CSMD1: variants seen among roughly 807,000 people sequenced by gnomAD.
The protein encoded by CSMD1 is CUB and sushi domain-containing protein 1.
A neutral mutation model predicts 417.5 loss-of-function variants in CSMD1; 213 were observed. The observed-to-expected ratio is 0.51, with a 90% CI of 0.46 to 0.57. The LOEUF is 0.57. Among genes scored for constraint, CSMD1 ranks in the 20% least tolerant of loss-of-function variants. The pLI is 0.00. For synonymous variants in CSMD1, 2,862 were observed against 1,736.8 expected (o/e 1.65, Z -16.11); for missense variants, 6,923 against 4,529.7 (o/e 1.53, Z -15.17).
At chr8:3,180,946 T>C (rs1032337118) in intron 37 of CSMD1, among the ~76,000 whole-genome samples, 164 bp downstream of exon 37, 154 of 152,196 alleles carry the variant, frequency 1.0e-3, no homozygotes, top group Non-Finnish European at 1.8e-3. Context: ...AACTGGCTTA[T>C]GTATTTCGTA....
At position 4,232,014 on chromosome 8, in the gene CSMD1, C is replaced by T. The variant is rs899673857; in HGVS notation, c.415+187939G>A. On this transcript the variant is annotated intron_variant, in intron 3 of 69. Coordinates refer to ENST00000635120, the MANE Select transcript of CSMD1 (RefSeq NM_033225.6). ...GTAAAGCAAAGCCATCGACATAGGA[C>T]GTAAGTATGAAACAATATGTTGGCC... Among the ~76,000 whole-genome samples the T allele has an allele frequency of 2.6e-5, 4 of 152,230 alleles. No individual in the cohort carries two copies. The South Asian group carries it at 6.2e-4, about 24-fold the overall frequency.
At chr8:4,118,595 A>G (rs1802297423) in intron 3 of CSMD1, among the ~76,000 whole-genome samples, 3 of 152,140 alleles carry the variant, frequency 2.0e-5, no homozygotes, top group African/African-American at 7.2e-5. Flanking sequence ...GAAACAATAG[A>G]TGCTGGCAAG....
intron 2 of CSMD1, among the ~76,000 whole-genome samples, chr8:4,512,217 A>G (rs59168847): frequency 0.027 from 4,087 of 152,284 alleles, 203 homozygotes; most frequent in African/African-American, 0.091. Flanking sequence ...GAGAAAAGCA[A>G]TTAACAAAAT....
At chr8:3,564,527 G>GTGTGTGTGTGTGTGTT (rs2116881724) in intron 10 of CSMD1, among the ~76,000 whole-genome samples, 1 of 151,236 alleles carries the variant, frequency 6.6e-6, no homozygotes, top group African/African-American at 2.4e-5. Context: ...TTGTGTGTGT[G>GTGTGTGTGTGTGTGTT]TGTGTGTGTG....
At chr8:3,607,999 G>A (rs748521752) in intron 8 of CSMD1, among the ~76,000 whole-genome samples, 2 of 152,052 alleles carry the variant, frequency 1.3e-5, no homozygotes, top group African/African-American at 2.4e-5. Context: ...GGAAAACCCT[G>A]TCTCTACTAA....
intron 23 of CSMD1, among the ~76,000 whole-genome samples, chr8:3,328,571 A>G (rs1015435239): frequency 1.3e-5 from 2 of 152,222 alleles, no homozygotes; most frequent in African/African-American, 4.8e-5. Flanking sequence ...AGCAATGATC[A>G]GTTTCAATCC....
At chr8:3,321,543 C>T (rs893356837) in intron 23 of CSMD1, among the ~76,000 whole-genome samples, 2 of 152,162 alleles carry the variant, frequency 1.3e-5, no homozygotes, top group African/African-American at 4.8e-5. Context: ...CCCATTACTT[C>T]GTCTAGAAAT....
At chr8:4,800,292 A>G (rs112554554) in intron 1 of CSMD1, among the ~76,000 whole-genome samples, 9,091 of 152,004 alleles carry the variant, frequency 0.06, 443 homozygotes, top group East Asian at 0.23. Context: ...TTAGCTGGGC[A>G]TGGTGGTGCA....
At chr8:4,313,354 C>CTT (rs33962521) in intron 3 of CSMD1, among the ~76,000 whole-genome samples, 3 of 83,378 alleles carry the variant, frequency 3.6e-5, no homozygotes, top group African/African-American at 2.2e-4. Context: ...GGTAGCAGAC[C>CTT]ATCATTGTCA....
At chr8:3,666,353 T>C (rs1216687890) in intron 7 of CSMD1, among the ~76,000 whole-genome samples, 1 of 152,194 alleles carries the variant, frequency 6.6e-6, no homozygotes, top group Admixed American at 6.5e-5. Context: ...CGCCTGTCCG[T>C]TTAAAATGAC....
At chr8:4,581,776 T>C (rs988187366) in intron 2 of CSMD1, among the ~76,000 whole-genome samples, 2 of 152,134 alleles carry the variant, frequency 1.3e-5, no homozygotes, top group Admixed American at 6.6e-5. Context: ...GGCAGACAAT[T>C]GCCTATTGGC....
chr8:3,748,228 A>G (rs1797153370), intron 6 of CSMD1, among the ~76,000 whole-genome samples: 3 of 152,218 alleles, frequency 2.0e-5, no homozygotes, highest in Admixed American at 6.5e-5. Context: ...TTCTGATTTG[A>G]ATGAGTTATA....
chr8:3,921,466 A>T (rs1809256942), intron 5 of CSMD1, among the ~76,000 whole-genome samples: 1 of 151,752 alleles, frequency 6.6e-6, no homozygotes. Context: ...TTCCTAGTTC[A>T]GTGAGGTGTA....
intron 11 of CSMD1, among the ~76,000 whole-genome samples, chr8:3,480,838 C>T (rs947123673): frequency 7.2e-5 from 11 of 151,934 alleles, no homozygotes; most frequent in East Asian, 1.9e-4. Flanking sequence ...AATTATCAGG[C>T]GTATAATTTG....
At chr8:4,453,306 A>G (rs1429437582) in intron 2 of CSMD1, among the ~76,000 whole-genome samples, 2 of 151,940 alleles carry the variant, frequency 1.3e-5, no homozygotes, top group African/African-American at 4.8e-5. Context: ...CTGGCAATCA[A>G]CTGTCCCCAA....
chr8:4,704,313 A>G (rs1214258703), intron 1 of CSMD1, among the ~76,000 whole-genome samples: 3 of 152,210 alleles, frequency 2.0e-5, no homozygotes, highest in African/African-American at 7.2e-5. Flanking sequence ...TTCAGCATTG[A>G]GTGTCTTACT....
At chr8:4,483,755 T>A (rs1454765983) in intron 2 of CSMD1, among the ~76,000 whole-genome samples, 1 of 152,154 alleles carries the variant, frequency 6.6e-6, no homozygotes, top group Non-Finnish European at 1.5e-5. Flanking sequence ...CTGAACAAAA[T>A]AAATAATTAA....
intron 3 of CSMD1, among the ~76,000 whole-genome samples, chr8:4,038,835 G>T (rs1797746218): frequency 1.3e-5 from 2 of 152,156 alleles, no homozygotes; most frequent in South Asian, 4.1e-4. Context: ...ACCCCATGAA[G>T]CCAAATTTGT....
At chr8:3,786,898 C>T (rs1175578857) in intron 5 of CSMD1, among the ~76,000 whole-genome samples, 1 of 152,110 alleles carries the variant, frequency 6.6e-6, no homozygotes. Context: ...AGCCCCACCT[C>T]CTAATACTAG....
Sources: allele counts gnomAD v4.1 joint callset (sites outside exome capture counted in the v4.1 genomes callset), GRCh38; gene constraint gnomAD v4.1.1; transcripts MANE v1.5; gene names NCBI Gene and HGNC (gene_info 2026-07-23, HGNC 2026-07-21).